The following SEL1L3 variants were observed in gnomAD, a reference collection of about 807,000 sequenced individuals.
SEL1L3 encodes the protein protein sel-1 homolog 3.
A neutral mutation model predicts 142.8 loss-of-function variants in SEL1L3; 76 were observed. The ratio of observed to expected loss-of-function variants is 0.53; its 90% CI spans 0.44 to 0.64. The LOEUF (loss-of-function observed/expected upper bound fraction) is 0.64. Ranked by LOEUF, SEL1L3 falls within the 30% of genes least tolerant of loss-of-function variation. The pLI is 0.00. For missense variants in SEL1L3, 1,262 were observed against 1,381.7 expected (o/e 0.91, Z 1.37); for synonymous variants, 504 against 519.6 (o/e 0.97, Z 0.41).
At chr4:25,741,673 C>T in the SEL1L3 span, among the ~76,000 whole-genome samples, 26 of 152,280 alleles carry the variant, frequency 1.7e-4, no homozygotes, top group African/African-American at 6.0e-4. Flanking sequence ...AATGCACCAA[C>T]TTTGACAGTG....
At chr4:25,832,897 T>A in intron 5 of SEL1L3, 98 bp downstream of exon 5, 1 of 702,988 alleles carries the variant, frequency 1.4e-6, no homozygotes, top group Non-Finnish European at 2.5e-6. Context: ...TACCACAAAT[T>A]TGCTTTTGCA....
chr4:25,835,801 C>G (rs1167221360), intron 2 of SEL1L3, among the ~76,000 whole-genome samples: 7 of 152,326 alleles, frequency 4.6e-5, no homozygotes, highest in African/African-American at 1.7e-4. Context: ...ATTATTATCC[C>G]CAGTCTACAG....
At chr4:25,735,610 CATT>C in the SEL1L3 span, among the ~76,000 whole-genome samples, 1 of 151,572 alleles carries the variant, frequency 6.6e-6, no homozygotes, top group Non-Finnish European at 1.5e-5. Context: ...GACGTTGTAT[CATT>C]GATTTGAGAT....
At chr4:25,845,906 G>A (rs1716472725) in intron 2 of SEL1L3, among the ~76,000 whole-genome samples, 3 of 152,164 alleles carry the variant, frequency 2.0e-5, no homozygotes, top group African/African-American at 7.2e-5. Context: ...CTGGCCCACA[G>A]GTTCTCAAGT....
At chr4:25,818,303 T>A in intron 8 of SEL1L3, 25 bp from the exon 9 acceptor site, 1 of 1,579,960 alleles carries the variant, frequency 6.3e-7, no homozygotes, top group Non-Finnish European at 8.6e-7. Flanking sequence ...GAGCAGAAGA[T>A]ATCACACCCT....
chr4:25,766,314 C>G (rs937232897), intron 19 of SEL1L3, among the ~76,000 whole-genome samples: 1 of 151,936 alleles, frequency 6.6e-6, no homozygotes, highest in African/African-American at 2.4e-5. Context: ...GTGGTGCGTT[C>G]CTGTAATCAC....
At chr4:25,809,072 C>CAAAAAA (rs57752271) in intron 9 of SEL1L3, among the ~76,000 whole-genome samples, 1 of 60,278 alleles carries the variant, frequency 1.7e-5, no homozygotes, top group Non-Finnish European at 3.6e-5. Flanking sequence ...GACTCTGTCT[C>CAAAAAA]AAAAAAAAAA....
Position 25,833,568 on chromosome 4 carries a change from A to G in SEL1L3, c.862T>C (p.Phe288Leu). ...AAATAAAGCCACAATGAAACAGTAA[A>G]CCTATAAGAGTGAGGGGGAAAAAAA... is the stretch of plus-strand genomic sequence containing the variant. ...TRRQRMDYPV[F>L]TVSLWLYLLH... is the part of the protein sequence containing the mutation. The change falls in exon 4 of 24, where the codon TTT becomes CTT. Residue 288 changes from phenylalanine (F) to leucine (L), a missense_variant and splice_region_variant. Phe to Leu is a conservative substitution (Grantham distance 22). This residue lies in a region of SEL1L3 where 689 missense variants were observed against 692.8 expected (regional missense o/e 0.99). Coordinates refer to ENST00000399878, the MANE Select transcript of SEL1L3 (RefSeq NM_015187.5). 1.9e-6 allele frequency: 3 copies of G among 1,608,894 alleles called. No individual in the cohort carries two copies. The highest frequency in any genetic ancestry group is 2.5e-6 in the Non-Finnish European group (3 of 1,177,812).
rs758901923 is a variant in SEL1L3, at chr4:25,821,988, G to A, written c.1290+8C>T. On this transcript the variant is annotated splice_region_variant and intron_variant, in intron 7 of 23. Coordinates refer to ENST00000399878, the MANE Select transcript of SEL1L3 (RefSeq NM_015187.5). Reference sequence around the variant, plus strand: ...AGTACCGCAATCTTCCTGATCCCCTGGACTCACCTGGGCGGGGTGCAGACT... The same window carrying A: ...AGTACCGCAATCTTCCTGATCCCCTAGACTCACCTGGGCGGGGTGCAGACT... 1.6e-5 allele frequency: 26 copies of A among 1,612,318 alleles called. No individual in the cohort carries two copies. The highest frequency in any genetic ancestry group is 2.1e-5 in the Non-Finnish European group (25 of 1,179,346).
At chr4:25,738,540 C>A in the SEL1L3 span, among the ~76,000 whole-genome samples, 1 of 152,166 alleles carries the variant, frequency 6.6e-6, no homozygotes, top group Non-Finnish European at 1.5e-5. Flanking sequence ...AGCAAAAGTG[C>A]AAAAGATTAT....
At chr4:25,718,994 T>C in the SEL1L3 span, 3 of 151,992 alleles carry the variant, frequency 2.0e-5, no homozygotes, top group East Asian at 1.9e-4. Flanking sequence ...CTGACCAACA[T>C]GAAGAAACCC....
chr4:25,758,760 C>T (rs544853862), intron 21 of SEL1L3, among the ~76,000 whole-genome samples, 181 bp downstream of exon 21: 13 of 151,856 alleles, frequency 8.6e-5, no homozygotes, highest in Non-Finnish European at 1.5e-4. Context: ...GTGATCTGCC[C>T]GCCTCAGCCT....
intron 17 of SEL1L3, among the ~76,000 whole-genome samples, chr4:25,775,555 C>T (rs1289647582): frequency 6.6e-6 from 1 of 151,868 alleles, no homozygotes; most frequent in Non-Finnish European, 1.5e-5. Context: ...AAAATGTGAC[C>T]CAAGTTAAAA....
At chr4:25,753,111 G>A (rs781051385) in intron 23 of SEL1L3, among the ~76,000 whole-genome samples, 1 of 152,206 alleles carries the variant, frequency 6.6e-6, no homozygotes, top group Non-Finnish European at 1.5e-5. Flanking sequence ...CCACACCGAT[G>A]CTGTTAACCA....
intron 11 of SEL1L3, among the ~76,000 whole-genome samples, chr4:25,797,088 A>T (rs923895735): frequency 6.6e-6 from 1 of 151,182 alleles, no homozygotes; most frequent in Admixed American, 6.6e-5. Context: ...AAGGAAGAGA[A>T]GAAAGAAAGG....
In SEL1L3 at chr4:25,757,713, C is replaced by T; in HGVS notation, c.3161G>A (p.Trp1054Ter). ...AWLYLHLRLL[W>*]GAILHSALIY... is the part of the protein sequence containing the mutation. ...CAGGGCTGAGTGCAGGATAGCACCC[C>T]AGAGAAGCCGCAAGTGCAGGTAAAG... Residue 1054 changes from tryptophan to a stop codon, truncating the protein, a stop_gained, in exon 22 of 24, where the codon TGG (tryptophan) becomes TAG (stop). Transcript: ENST00000399878. LOFTEE classifies it high-confidence loss of function. 2.5e-6 allele frequency: 4 copies of T among 1,596,396 alleles called. No individual in the cohort carries two copies. Among genetic ancestry groups the T allele is most frequent in the Non-Finnish European group, 3.4e-6 (4 of 1,171,846 alleles).
intron 12 of SEL1L3, among the ~76,000 whole-genome samples, chr4:25,789,478 G>A (rs141066215): frequency 6.8e-4 from 103 of 151,640 alleles, no homozygotes; most frequent in East Asian, 4.1e-3. Flanking sequence ...CCAGCTACTC[G>A]GGAGGTTGAG....
intron 9 of SEL1L3, among the ~76,000 whole-genome samples, chr4:25,813,664 T>C (rs1304556652): frequency 1.3e-5 from 2 of 152,248 alleles, no homozygotes; most frequent in African/African-American, 4.8e-5. Flanking sequence ...ACTGCTGAAC[T>C]GTGTACACCT....
chr4:25,856,326 GC>G (rs1380387931), intron 1 of SEL1L3, among the ~76,000 whole-genome samples: 3 of 152,056 alleles, frequency 2.0e-5, no homozygotes, highest in Non-Finnish European at 4.4e-5. Flanking sequence ...TAAATGCACC[GC>G]AACTCTAAGC....
Sources: gnomAD v4.1 joint callset for allele counts (sites outside exome capture counted in the v4.1 genomes callset) on GRCh38, gnomAD v4.1.1 for gene constraint, gnomAD v4.1.1 regional missense constraint, MANE v1.5 for transcripts, NCBI Gene and HGNC (gene_info 2026-07-23, HGNC 2026-07-21) for gene names.